The following REC8 variants were observed in gnomAD, a reference collection of about 807,000 sequenced individuals.
REC8 encodes the protein meiotic recombination protein REC8 homolog.
A neutral mutation model predicts 78.3 loss-of-function variants in REC8; 42 were observed. The observed-to-expected ratio is 0.54, with a 90% CI of 0.42 to 0.69. REC8 has a LOEUF of 0.69. Ranked by LOEUF, REC8 falls within the 30% of genes least tolerant of loss-of-function variation. The pLI, the probability that REC8 is intolerant of heterozygous loss-of-function variation, is 0.00. For missense variants in REC8, 581 were observed against 715.8 expected (o/e 0.81, Z 2.15); for synonymous variants, 268 against 274.1 (o/e 0.98, Z 0.22).
At position 24,178,666 on chromosome 14, in the gene REC8, A is replaced by C. The variant is rs370763234; in HGVS notation, c.1057A>C (p.Thr353Pro). Residue 353 changes from threonine to proline, a missense_variant, in exon 13 of 19, where the codon ACT (threonine) becomes CCT (proline). By Grantham distance (38) the Thr-to-Pro change is conservative (BLOSUM62 -1). Transcript: ENST00000611366. ...CCCTGCGGAGTTGTTCAGAACCCCA[A>C]CTCTCTGTAAGAATGGTGGGGGTTG... ...RGPAELFRTP[T>P]LSGWLPPELL... The C allele has an allele frequency of 1.2e-6, 2 of 1,613,930 alleles. No homozygotes were observed. Among genetic ancestry groups the C allele is most frequent in the Non-Finnish European group, 1.7e-6 (2 of 1,179,934 alleles).
downstream of REC8, chr14:24,180,520 G>A (rs777326997): frequency 7.4e-6 from 12 of 1,613,958 alleles, no homozygotes; most frequent in African/African-American, 2.7e-5. Context: ...GAAAGCTGTC[G>A]GTGTGCTGTT....
At chr14:24,179,339 A>G in intron 15 of REC8, 58 bp from the exon 16 acceptor site, 1 of 1,579,954 alleles carries the variant, frequency 6.3e-7, no homozygotes, top group Non-Finnish European at 8.7e-7. Flanking sequence ...CCAGGTGGCC[A>G]CAAGGCCCTA....
chr14:24,176,796 G>A (rs766072097), intron 6 of REC8, 26 bp from the exon 7 acceptor site: 3 of 1,582,660 alleles, frequency 1.9e-6, no homozygotes, highest in Non-Finnish European at 2.6e-6. Flanking sequence ...GAAGCAGAGA[G>A]GCTAGTGACT....
In REC8 at chr14:24,180,241, C is replaced by A. The variant is rs780882093; in HGVS notation, c.*146C>A. On this transcript the variant is annotated 3_prime_UTR_variant, in exon 19 of 19. Coordinates refer to ENST00000611366, the MANE Select transcript of REC8 (RefSeq NM_001048205.2). ...AGCTATTGTTCAAGCAGAAAACAAG[C>A]TGCTTTTATTACAGTATGATGTCAT... is the stretch of plus-strand genomic sequence containing the variant. 2 of 1,571,978 alleles carry A rather than the reference C, an allele frequency of 1.3e-6. No homozygotes were observed. Among genetic ancestry groups the A allele is most frequent in the African/African-American group, 2.7e-5 (2 of 74,002 alleles).
At position 24,172,760 on chromosome 14, in the gene REC8, G is replaced by T. The variant is rs1349479761; in HGVS notation, c.104G>T (p.Arg35Met). 1.2e-6 allele frequency: 2 copies of T among 1,614,114 alleles called. No homozygotes were observed. The highest frequency in any genetic ancestry group is 1.7e-6 in the Non-Finnish European group (2 of 1,180,040). The change falls in exon 2 of 19, where the codon AGG becomes ATG. Residue 35 changes from arginine (R) to methionine (M), a missense_variant. Arg to Met is a moderately conservative substitution (Grantham distance 91). Transcript: ENST00000611366. ...GSRLVKREYL[R>M]VNVVKTCEEI... is the part of the protein sequence containing the mutation. ...CGGTTGGTGAAGCGCGAATACCTGA[G>T]GGTGAATGTGGTGAAAACCTGGTAA...
chr14:24,177,639 C>T, intron 10 of REC8, 70 bp from the exon 11 acceptor site: 1 of 1,575,466 alleles, frequency 6.3e-7, no homozygotes, highest in South Asian at 1.1e-5. Flanking sequence ...GAGGACCCTG[C>T]AGTTTCTTGC....
At chr14:24,176,355 C>CTT (rs777888260) in intron 6 of REC8, among the ~76,000 whole-genome samples, 6,556 of 127,210 alleles carry the variant, frequency 0.052, 581 homozygotes, top group African/African-American at 0.18. Flanking sequence ...CCATACTCGG[C>CTT]TTTTTTTTTT....
At chr14:24,178,015 T>C (rs924930361) in intron 11 of REC8, 76 bp from the exon 12 acceptor site, 103 of 1,553,312 alleles carry the variant, frequency 6.6e-5, no homozygotes, top group Non-Finnish European at 8.5e-5. Context: ...TGTGGGGTCC[T>C]GTTAGCAGTC....
In REC8 at chr14:24,178,791, C is replaced by A. The variant is rs905054000; in HGVS notation, c.1078C>A (p.Pro360Thr). 4.3e-6 allele frequency: 7 copies of A among 1,611,924 alleles called. No individual in the cohort carries two copies. Among genetic ancestry groups the A allele is most frequent in the Non-Finnish European group, 5.9e-6 (7 of 1,178,602 alleles). The change falls in exon 14 of 19, where the codon CCT becomes ACT. Residue 360 changes from proline (P) to threonine (T), a missense_variant. Coordinates refer to ENST00000611366, the MANE Select transcript of REC8 (RefSeq NM_001048205.2). ...CTTGTCCACAGCTGGCTGGCTACCCCCTGAACTACTGGGTCTCTGGACCCA... is the reference window on the plus strand; with the variant it reads ...CTTGTCCACAGCTGGCTGGCTACCCACTGAACTACTGGGTCTCTGGACCCA... Reference protein sequence around the residue: ...RTPTLSGWLPPELLGLWTHCA... With the variant: ...RTPTLSGWLPTELLGLWTHCA...
chr14:24,176,089 TG>T (rs762988868), intron 6 of REC8, among the ~76,000 whole-genome samples: 1 of 151,392 alleles, frequency 6.6e-6, no homozygotes, highest in Non-Finnish European at 1.5e-5. Context: ...TTTTGAGAGA[TG>T]GGGTATCACT....
At chr14:24,172,876 A>G (rs758943574) in intron 2 of REC8, 23 bp from the exon 3 acceptor site, 38 of 1,613,322 alleles carry the variant, frequency 2.4e-5, no homozygotes, top group Non-Finnish European at 3.0e-5. Flanking sequence ...ACGCAGCGGT[A>G]ATCAGGGCGC....
downstream of REC8, chr14:24,180,275 TG>T: frequency 1.3e-6 from 2 of 1,534,094 alleles, no homozygotes; most frequent in Non-Finnish European, 1.8e-6. Flanking sequence ...ATGACTCATT[TG>T]TAACAGATCC....
chr14:24,179,715 A>C lies in REC8; in HGVS notation c.1440A>C (p.Glu480Asp). 6.2e-7 allele frequency: 1 copy of C among 1,614,216 alleles called. No homozygotes were observed. Among genetic ancestry groups the C allele is most frequent in the Non-Finnish European group, 8.5e-7 (1 of 1,180,042 alleles). ...CAGAGCTCGAGCTGCTCTCACTGGAAGCAGTGCACAGGTACCAGGGAGGTG... is the reference window on the plus strand; with the variant it reads ...CAGAGCTCGAGCTGCTCTCACTGGACGCAGTGCACAGGTACCAGGGAGGTG... ...LPPELELLSL[E>D]AVHRAVALEL... Residue 480 changes from glutamate (E) to aspartate (D), a missense_variant, in exon 17 of 19, where the codon GAA becomes GAC. By Grantham distance (45) the Glu-to-Asp change is conservative (BLOSUM62 2). Coordinates refer to ENST00000611366, the MANE Select transcript of REC8 (RefSeq NM_001048205.2).
In REC8 at chr14:24,179,591, C is replaced by CTAGG. The variant is rs1348754284; in HGVS notation, c.1320-3_1320dup. ...ACCTTCCCTACTCTCTCATGTCCTC[C>CTAGG]TAGGGCCTGGCCTGAGGTGGAGGCG... On this transcript the variant is annotated splice_region_variant and splice_polypyrimidine_tract_variant and intron_variant, in intron 16 of 18. Coordinates refer to ENST00000611366, the MANE Select transcript of REC8 (RefSeq NM_001048205.2). The CTAGG allele has an allele frequency of 8.1e-6, 13 of 1,614,170 alleles. No individual in the cohort carries two copies. Among genetic ancestry groups the CTAGG allele is most frequent in the Non-Finnish European group, 1.0e-5 (12 of 1,180,014 alleles).
chr14:24,175,792 G>A (rs1433937293), intron 6 of REC8, among the ~76,000 whole-genome samples, 168 bp downstream of exon 6: 1 of 150,414 alleles, frequency 6.6e-6, no homozygotes, highest in African/African-American at 2.5e-5. Flanking sequence ...GCACGATCTC[G>A]GCTCACTGCA....
intron 12 of REC8, 85 bp from the exon 13 acceptor site, chr14:24,178,521 C>A: frequency 7.1e-7 from 1 of 1,406,648 alleles, no homozygotes; most frequent in Non-Finnish European, 9.9e-7. Context: ...CCAGAAGCCC[C>A]AGAACAGTGC....
chr14:24,173,563 A>G, intron 5 of REC8, 152 bp downstream of exon 5: 1 of 1,451,604 alleles, frequency 6.9e-7, no homozygotes. Flanking sequence ...GGACCCATCC[A>G]GGCGAAGCCC....
In REC8 at chr14:24,178,195, G is replaced by C; in HGVS notation, c.969G>C (p.Leu323=). ...QISPEKFQEQ[L]QTRAHCWECP... is the part of the protein sequence containing the mutation. ...CCCCGGAGAAATTCCAGGAACAACT[G>C]CAAACCAGAGCCCACTGCTGGGAAT... is the stretch of plus-strand genomic sequence containing the variant. The change falls in exon 12 of 19, where the codon CTG becomes CTC. Residue 323 remains leucine, a synonymous_variant. Coordinates refer to ENST00000611366, the MANE Select transcript of REC8 (RefSeq NM_001048205.2). 6.2e-7 allele frequency: 1 copy of C among 1,614,034 alleles called. No homozygotes were observed. The highest frequency in any genetic ancestry group is 8.5e-7 in the Non-Finnish European group (1 of 1,179,934).
chr14:24,180,067 T>C lies in REC8; in HGVS notation c.1616T>C (p.Leu539Pro). The C allele has an allele frequency of 6.2e-7, 1 of 1,614,180 alleles. No individual in the cohort carries two copies. Among genetic ancestry groups the C allele is most frequent in the Non-Finnish European group, 8.5e-7 (1 of 1,180,038 alleles). ...VKQEKPYGRL[L>P]IQPGPRFH The stretch of plus-strand genomic sequence containing the variant: ...CAAGAAAAGCCATATGGTCGCCTCC[T>C]GATCCAGCCGGGGCCCAGATTCCAC... The change falls in exon 19 of 19, where the codon CTG (leucine) becomes CCG (proline). Residue 539 changes from leucine (L) to proline (P), a missense_variant. Physicochemically the swap from Leu to Pro is moderately conservative, Grantham distance 98. Coordinates refer to ENST00000611366, the MANE Select transcript of REC8 (RefSeq NM_001048205.2).
Sources: allele counts gnomAD v4.1 joint callset (sites outside exome capture counted in the v4.1 genomes callset), GRCh38; gene constraint gnomAD v4.1.1; transcripts MANE v1.5; gene names NCBI Gene and HGNC (gene_info 2026-07-23, HGNC 2026-07-21).